FHIT: variants seen among roughly 807,000 people sequenced by gnomAD.
The protein encoded by FHIT is fragile histidine triad diadenosine triphosphatase, also known as bis(5'-adenosyl)-triphosphatase.
A neutral mutation model predicts 17.9 loss-of-function variants in FHIT; 19 were observed. That is an observed-to-expected ratio of 1.06 (90% confidence interval 0.74 to 1.56). The LOEUF (loss-of-function observed/expected upper bound fraction) is 1.56, where lower values mean the gene tolerates loss of function less well. Ranked by LOEUF, FHIT falls within the 40% of genes most tolerant of loss-of-function variation. The pLI, the probability that FHIT is intolerant of heterozygous loss-of-function variation, is 0.00. For synonymous variants in FHIT, 81 were observed against 69.7 expected (o/e 1.16, Z -0.81); for missense variants, 248 against 189.2 (o/e 1.31, Z -1.82).
At position 61,109,878 on chromosome 3, in the gene FHIT, C is replaced by T. The variant is rs2036103327; in HGVS notation, c.-163-67779G>A. Among the ~76,000 whole-genome samples the T allele has an allele frequency of 2.6e-5, 4 of 152,206 alleles. No homozygotes were observed. In the South Asian group the frequency reaches 8.3e-4, roughly 32 times the overall value. ...CCACCACCAAATCCTTTTAGGACAACCTTCAAAAGATTAACAGCCACTTCT... is the reference window on the plus strand; with the variant it reads ...CCACCACCAAATCCTTTTAGGACAATCTTCAAAAGATTAACAGCCACTTCT... On this transcript the variant is annotated intron_variant, in intron 2 of 9. Transcript: ENST00000492590.
rs998335588 is a variant in FHIT at position 59,941,885 on chromosome 3, G to A, written c.280-19471C>T. Reference sequence around the variant, plus strand: ...AGGATGAAGTGGGTTGGCTCAACTGGCAAAGCACTGTGAACTGGAAATGTG... The same window carrying A: ...AGGATGAAGTGGGTTGGCTCAACTGACAAAGCACTGTGAACTGGAAATGTG... On this transcript the variant is annotated intron_variant, in intron 7 of 9. Transcript: ENST00000492590. Among the ~76,000 whole-genome samples the A allele has an allele frequency of 5.3e-5, 8 of 152,122 alleles. No individual in the cohort carries two copies. In the East Asian group the frequency reaches 7.7e-4, roughly 15 times the overall value.
At chr3:60,686,166 T>G (rs58841973) in intron 4 of FHIT, among the ~76,000 whole-genome samples, 1,711 of 152,254 alleles carry the variant, frequency 0.011, 31 homozygotes, top group African/African-American at 0.039. Context: ...GCTTTCATAG[T>G]TTTTGAAGGT....
At chr3:60,187,771 T>C (rs1702221166) in intron 5 of FHIT, among the ~76,000 whole-genome samples, 1 of 152,208 alleles carries the variant, frequency 6.6e-6, no homozygotes, top group Non-Finnish European at 1.5e-5. Context: ...AAGAAGAGAA[T>C]TGTGCTCCTA....
chr3:61,095,584 T>C (rs560847711), intron 2 of FHIT, among the ~76,000 whole-genome samples: 6 of 152,266 alleles, frequency 3.9e-5, no homozygotes, highest in African/African-American at 1.2e-4. Context: ...TGCCAGTGCA[T>C]TGCACAGCAG....
At chr3:60,397,670 G>A (rs768467142) in intron 5 of FHIT, among the ~76,000 whole-genome samples, 4 of 152,108 alleles carry the variant, frequency 2.6e-5, no homozygotes, top group South Asian at 4.1e-4. Flanking sequence ...CAAATGCCTA[G>A]GCATATAAAG....
At chr3:60,908,130 A>G (rs782018058) in intron 3 of FHIT, among the ~76,000 whole-genome samples, 2 of 152,190 alleles carry the variant, frequency 1.3e-5, no homozygotes, top group Non-Finnish European at 2.9e-5. Context: ...AGAATTCTGG[A>G]GGGTTCAATT....
At chr3:61,229,783 G>A (rs1443108610) in intron 1 of FHIT, among the ~76,000 whole-genome samples, 3 of 152,060 alleles carry the variant, frequency 2.0e-5, no homozygotes, top group Admixed American at 6.5e-5. Flanking sequence ...ATCAACAGGT[G>A]TAATAACAGC....
chr3:60,452,630 A>G (rs1240839067), intron 5 of FHIT, among the ~76,000 whole-genome samples: 3 of 152,190 alleles, frequency 2.0e-5, no homozygotes, highest in African/African-American at 7.2e-5. Context: ...AGCTTGCTTG[A>G]AAAGTGCCTT....
At chr3:60,621,916 TAG>T (rs2039142675) in intron 4 of FHIT, among the ~76,000 whole-genome samples, 1 of 152,022 alleles carries the variant, frequency 6.6e-6, no homozygotes, top group South Asian at 2.1e-4. Context: ...AGTTAAATTC[TAG>T]AGAGAATCAA....
At chr3:60,152,479 G>T (rs972895749) in intron 5 of FHIT, among the ~76,000 whole-genome samples, 1 of 152,190 alleles carries the variant, frequency 6.6e-6, no homozygotes, top group Non-Finnish European at 1.5e-5. Context: ...AGAGATCAGG[G>T]TATGAATACC....
At chr3:61,128,333 C>A (rs2106946713) in intron 2 of FHIT, among the ~76,000 whole-genome samples, 1 of 152,312 alleles carries the variant, frequency 6.6e-6, no homozygotes, top group East Asian at 1.9e-4. Context: ...CATCCCCGAT[C>A]CTCTATTTCT....
intron 4 of FHIT, among the ~76,000 whole-genome samples, chr3:60,540,164 T>C (rs1489136993): frequency 6.6e-6 from 1 of 152,082 alleles, no homozygotes; most frequent in Non-Finnish European, 1.5e-5. Context: ...AGGGAGCTTC[T>C]GGATAGCTGA....
chr3:60,720,472 A>G (rs1261798640), intron 4 of FHIT, among the ~76,000 whole-genome samples: 1 of 152,232 alleles, frequency 6.6e-6, no homozygotes, highest in Non-Finnish European at 1.5e-5. Context: ...AGTGCCTGGT[A>G]GAGAGCAAGA....
At chr3:60,640,433 G>T (rs797028011) in intron 4 of FHIT, among the ~76,000 whole-genome samples, 2 of 152,258 alleles carry the variant, frequency 1.3e-5, no homozygotes, top group East Asian at 1.9e-4. Flanking sequence ...TGCAGAGCAG[G>T]TGTTCACTTA....
intron 3 of FHIT, among the ~76,000 whole-genome samples, chr3:60,861,271 T>TATATGATACATATGATATATCATATCAG (rs1703870397): frequency 2.1e-5 from 1 of 47,222 alleles, no homozygotes; most frequent in Non-Finnish European, 4.1e-5. Flanking sequence ...TATCATATCA[T>TATATGATACATATGATATATCATATCAG]ATATCTTTCT....
Position 60,287,317 on chromosome 3 carries a change from C to T in FHIT, c.103+249543G>A, listed in dbSNP as rs1017861213. 9.2e-5 allele frequency among the ~76,000 whole-genome samples: 14 copies of T among 152,102 alleles called. No individual in the cohort carries two copies. The South Asian group carries it at 1.0e-3, about 11-fold the overall frequency. On this transcript the variant is annotated intron_variant, in intron 5 of 9. Transcript: ENST00000492590. Reference sequence around the variant, plus strand: ...CCCAGTAGCTGGGATTACAGGTGTGCGCCACCACACCCGGCTAATTTTTGT... The same window carrying T: ...CCCAGTAGCTGGGATTACAGGTGTGTGCCACCACACCCGGCTAATTTTTGT...
At chr3:60,454,831 C>G (rs2031984894) in intron 5 of FHIT, among the ~76,000 whole-genome samples, 1 of 152,082 alleles carries the variant, frequency 6.6e-6, no homozygotes, top group Non-Finnish European at 1.5e-5. Context: ...TCCCAGGAGA[C>G]ACTACTTATC....
At chr3:60,319,762 A>G (rs138249670) in intron 5 of FHIT, among the ~76,000 whole-genome samples, 22 of 152,166 alleles carry the variant, frequency 1.4e-4, no homozygotes, top group Admixed American at 9.8e-4. Flanking sequence ...TCTCCCCAGC[A>G]GTGGTTGCAC....
chr3:60,163,557 C>T (rs1278487293), intron 5 of FHIT, among the ~76,000 whole-genome samples: 1 of 152,258 alleles, frequency 6.6e-6, no homozygotes, highest in East Asian at 1.9e-4. Flanking sequence ...CTGTTCCCTA[C>T]CCATCTCTGC....
Sources: allele counts gnomAD v4.1 joint callset (sites outside exome capture counted in the v4.1 genomes callset), GRCh38; gene constraint gnomAD v4.1.1; transcripts MANE v1.5; gene names NCBI Gene and HGNC (gene_info 2026-07-23, HGNC 2026-07-21).